Variants in SRSF1 observed in about 807,000 individuals in gnomAD.
SRSF1 encodes serine and arginine rich splicing factor 1, also known as serine/arginine-rich splicing factor 1.
SRSF1 carries 1 observed loss-of-function variant against 25.9 expected under a neutral mutation model. The observed-to-expected ratio is 0.04, with a 90% CI of 0.01 to 0.18. The LOEUF (loss-of-function observed/expected upper bound fraction) is 0.18. Ranked by LOEUF, SRSF1 falls within the 10% of genes least tolerant of loss-of-function variation. The pLI is 1.00. For synonymous variants in SRSF1, 132 were observed against 126.2 expected (o/e 1.05, Z -0.31); for missense variants, 65 against 350.5 (o/e 0.19, Z 6.50).
At position 58,007,211 on chromosome 17, in the gene SRSF1, G is replaced by C; in HGVS notation, c.-74C>G. ...TAGCGCACGGCAGAGCGAGCCCGCA[G>C]CGGCACCACGTCTCCCGCGGCCCCT... On this transcript the variant is annotated 5_prime_UTR_variant, in exon 1 of 4. Transcript: ENST00000258962. 1 of 1,556,324 alleles carries C rather than the reference G, an allele frequency of 6.4e-7. No individual in the cohort carries two copies. The highest frequency in any genetic ancestry group is 1.4e-5 in the African/African-American group (1 of 74,068).
downstream of SRSF1, among the ~76,000 whole-genome samples, chr17:57,999,083 TCTA>T (rs1459755195): frequency 6.6e-6 from 1 of 152,188 alleles, no homozygotes; most frequent in African/African-American, 2.4e-5. Flanking sequence ...AACTACTGTG[TCTA>T]CTGACTTTTT....
chr17:57,989,409 G>A, the SRSF1 span: 4 of 397,606 alleles, frequency 1.0e-5, no homozygotes, highest in Admixed American at 4.4e-5. Flanking sequence ...TCAGATGGAC[G>A]CATTATTTTA....
chr17:58,006,838 C>T (rs371239124), intron 1 of SRSF1, 106 bp downstream of exon 1: 1 of 1,368,472 alleles, frequency 7.3e-7, no homozygotes, highest in Non-Finnish European at 1.0e-6. Flanking sequence ...CTCGCCCCAA[C>T]CTCTCTAAGA....
downstream of SRSF1, among the ~76,000 whole-genome samples, chr17:57,999,573 T>C (rs990520584): frequency 3.9e-5 from 6 of 152,150 alleles, no homozygotes; most frequent in Non-Finnish European, 8.8e-5. Context: ...ACCCAAACCA[T>C]CTAACTTTAG....
In SRSF1 at chr17:58,005,317, AAC is replaced by A. The variant is rs2075419652; in HGVS notation, c.*87_*88del. ...CAACACTTTAGCCCATTCTGAACAA[AAC>A]AGTTTGAATTAAAAAATGAAAAGAT... On this transcript the variant is annotated 3_prime_UTR_variant, in exon 4 of 4. Transcript: ENST00000258962. This position sits in a 1 kb window ranked among gnomAD's most constrained non-coding sequence, Gnocchi z 5.2. 1.4e-6 allele frequency: 2 copies of A among 1,445,374 alleles called. No individual in the cohort carries two copies. Among genetic ancestry groups the A allele is most frequent in the Non-Finnish European group, 1.9e-6 (2 of 1,051,892 alleles). 89.5% of individuals were successfully genotyped at this position (1,445,374 alleles called of 1,614,324 possible). A position where few individuals can be genotyped will look rare whatever the true frequency, so the allele number is the denominator to read the frequency against.
In SRSF1 at chr17:58,002,706, G is replaced by C. The variant is rs1463915770; in HGVS notation, c.*2700C>G. 6.6e-6 allele frequency among the ~76,000 whole-genome samples: 1 copy of C among 152,148 alleles called. No homozygotes were observed. Among genetic ancestry groups the C allele is most frequent in the African/African-American group, 2.4e-5 (1 of 41,428 alleles). On this transcript the variant is annotated 3_prime_UTR_variant, in exon 4 of 4. Transcript: ENST00000258962. ...CACTCTTCCCTTTCAAAAAAGAAAT[G>C]AGACTTGGGTTAAAAGTTCTACAGG...
intron 1 of SRSF1, 178 bp downstream of exon 1, chr17:58,006,766 G>T: frequency 2.2e-6 from 2 of 911,590 alleles, no homozygotes; most frequent in African/African-American, 1.7e-5. Context: ...CGTCCAAGGC[G>T]AGGCGCCAGA....
chr17:58,002,550 G>A lies in SRSF1; in HGVS notation c.*2856C>T, dbSNP rs993912223. Among the ~76,000 whole-genome samples the A allele has an allele frequency of 6.6e-6, 1 of 152,184 alleles. No homozygotes were observed. Among genetic ancestry groups the A allele is most frequent in the African/African-American group, 2.4e-5 (1 of 41,446 alleles). ...AGTAGCAGGCTAAAAGTTTTTAACT[G>A]CTTTGGTAGAGAACACCAAAGTTTT... On this transcript the variant is annotated 3_prime_UTR_variant, in exon 4 of 4. Coordinates refer to ENST00000258962, the MANE Select transcript of SRSF1 (RefSeq NM_006924.5).
downstream of SRSF1, among the ~76,000 whole-genome samples, chr17:57,997,274 A>G (rs2075368965): frequency 2.0e-5 from 3 of 152,168 alleles, no homozygotes; most frequent in South Asian, 2.1e-4. Context: ...GATTAATTCA[A>G]ATTTTCTGGC....
At chr17:58,006,631 A>G in intron 1 of SRSF1, 104 bp from the exon 2 acceptor site, 2 of 1,335,588 alleles carry the variant, frequency 1.5e-6, no homozygotes, top group Non-Finnish European at 2.0e-6. Context: ...AACGTGGAAG[A>G]GCCCACATGC....
downstream of SRSF1, among the ~76,000 whole-genome samples, chr17:57,996,483 T>TAAAAAAAAAA (rs10677825): frequency 1.5e-3 from 111 of 72,320 alleles, 3 homozygotes; most frequent in African/African-American, 4.5e-3. Context: ...GACACTGTCT[T>TAAAAAAAAAA]AAAAAAAAAA....
the SRSF1 span, chr17:57,989,887 T>G: frequency 2.5e-6 from 1 of 397,294 alleles, no homozygotes; most frequent in Admixed American, 4.4e-5. Context: ...TCCTGTAATG[T>G]CCAAACCTAA....
In SRSF1 at chr17:58,001,691, A is replaced by C. The variant is rs2143464056; in HGVS notation, c.*3715T>G. Among the ~76,000 whole-genome samples, 1 of 152,332 alleles carries C rather than the reference A, an allele frequency of 6.6e-6. No individual in the cohort carries two copies. Among genetic ancestry groups the C allele is most frequent in the South Asian group, 2.1e-4 (1 of 4,830 alleles). On this transcript the variant is annotated 3_prime_UTR_variant, in exon 4 of 4. Coordinates refer to ENST00000258962, the MANE Select transcript of SRSF1 (RefSeq NM_006924.5). ...AGCTTTTGTAGTTTCAAAAGGGTGT[A>C]ACTTTCTTCTAATAATTGCCAATAC...
rs2075415930 is a variant in SRSF1, at chr17:58,004,779, C to T, written c.*627G>A. 2 of 392,814 alleles carry T rather than the reference C, an allele frequency of 5.1e-6. No individual in the cohort carries two copies. Among genetic ancestry groups the T allele is most frequent in the African/African-American group, 2.1e-5 (1 of 48,480 alleles). The allele number at this position is 392,814 out of a possible 1,614,324, so 24.3% of individuals were successfully genotyped here. A position where few individuals can be genotyped will look rare whatever the true frequency, so the allele number is the denominator to read the frequency against. On this transcript the variant is annotated 3_prime_UTR_variant, in exon 4 of 4. Coordinates refer to ENST00000258962, the MANE Select transcript of SRSF1 (RefSeq NM_006924.5). ...GCCACAATTGCCAAGGTTTAAAAAG[C>T]AAAGCAATTGTAGCTAAAGACAACT...
In SRSF1 at chr17:58,001,062, G is replaced by A. The variant is rs145207777; in HGVS notation, c.*4344C>T. On this transcript the variant is annotated 3_prime_UTR_variant, in exon 4 of 4. Transcript: ENST00000258962. ...ATACTGTGATGGAAATAATGGTTATGTTACAACAGAACTTCAGTCTAACAG... is the reference window on the plus strand; with the variant it reads ...ATACTGTGATGGAAATAATGGTTATATTACAACAGAACTTCAGTCTAACAG... Among the ~76,000 whole-genome samples the A allele has an allele frequency of 5.3e-4, 81 of 152,246 alleles. No individual in the cohort carries two copies. The highest frequency in any genetic ancestry group is 1.9e-3 in the African/African-American group (78 of 41,542).
At chr17:57,999,298 TTA>T (rs1657476759), downstream of SRSF1, among the ~76,000 whole-genome samples, 2 of 152,200 alleles carry the variant, frequency 1.3e-5, no homozygotes, top group African/African-American at 2.4e-5. Context: ...AACCAAATTG[TTA>T]TGTCTAGTTT....
chr17:58,002,671 TA>T lies in SRSF1; in HGVS notation c.*2734del, dbSNP rs1455474470. Among the ~76,000 whole-genome samples the T allele has an allele frequency of 2.0e-5, 3 of 152,222 alleles. No homozygotes were observed. The highest frequency in any genetic ancestry group is 6.5e-5 in the Admixed American group (1 of 15,274). On this transcript the variant is annotated 3_prime_UTR_variant, in exon 4 of 4. Coordinates refer to ENST00000258962, the MANE Select transcript of SRSF1 (RefSeq NM_006924.5). ...ACAATGATTCATCCAAAGAAGCAGT[TA>T]ATCTTGTGCACTCTTCCCTTTCAAA...
intron 1 of SRSF1, 170 bp downstream of exon 1, chr17:58,006,774 A>G: frequency 1.1e-6 from 1 of 947,588 alleles, no homozygotes; most frequent in Non-Finnish European, 1.5e-6. Context: ...GCGAGGCGCC[A>G]GAGAAGCCAC....
downstream of SRSF1, among the ~76,000 whole-genome samples, chr17:58,000,418 C>T (rs535562182): frequency 6.6e-6 from 1 of 152,306 alleles, no homozygotes; most frequent in South Asian, 2.1e-4. Context: ...CCAATCCCAG[C>T]TTTTCCTATA....
Sources: allele counts gnomAD v4.1 joint callset (sites outside exome capture counted in the v4.1 genomes callset), GRCh38; gene constraint gnomAD v4.1.1; non-coding constraint Gnocchi (gnomAD v3.1); transcripts MANE v1.5; gene names NCBI Gene and HGNC (gene_info 2026-07-23, HGNC 2026-07-21).